ABCC8: variants seen among roughly 807,000 people sequenced by gnomAD.
ABCC8 encodes ATP-binding cassette sub-family C member 8.
ABCC8 carries 137 observed loss-of-function variants against 188.0 expected under a neutral mutation model. That is an observed-to-expected ratio of 0.73 (90% CI 0.63 to 0.84). The LOEUF is 0.84. Among genes scored for constraint, ABCC8 ranks in the 40% least tolerant of loss-of-function variants. The probability of loss-of-function intolerance (pLI) is 0.00; values close to 1 mark genes in which losing one functional copy is unlikely to be tolerated. For missense variants in ABCC8, 1,750 were observed against 2,072.7 expected (o/e 0.84, Z 3.02); for synonymous variants, 797 against 846.5 (o/e 0.94, Z 1.01).
intron 1 of ABCC8, among the ~76,000 whole-genome samples, chr11:17,476,101 G>C (rs1848755022): frequency 6.6e-6 from 1 of 152,222 alleles, no homozygotes; most frequent in Non-Finnish European, 1.5e-5. Flanking sequence ...CCCAGGGCGC[G>C]GGCCTGGGAC....
In ABCC8 at chr11:17,406,777, G is replaced by A. The variant is rs778240883; in HGVS notation, c.3174C>T (p.Leu1058=). 2.5e-6 allele frequency: 4 copies of A among 1,614,202 alleles called. No individual in the cohort carries two copies. Among genetic ancestry groups the A allele is most frequent in the East Asian group, 2.2e-5 (1 of 44,872 alleles). The part of the protein sequence containing the change: ...RNCSLSQECT[L]DQTVYAMVFT... ...ACACCATGGCATAGACAGTCTGGTC[G>A]AGGGTGCACTCCTTCACAGGCAGAG... The change falls in exon 26 of 39, where the codon CTC becomes CTT. Residue 1058 remains leucine (L), a synonymous_variant. Coordinates refer to ENST00000389817, the MANE Select transcript of ABCC8 (RefSeq NM_000352.6).
intron 31 of ABCC8, 46 bp downstream of exon 31, chr11:17,397,638 G>T (rs142800205): frequency 6.3e-7 from 1 of 1,594,192 alleles, no homozygotes. Flanking sequence ...TGCTCCGGGA[G>T]TGCTGGTGTC....
chr11:17,441,176 C>T (rs1304103972), intron 10 of ABCC8, among the ~76,000 whole-genome samples: 4 of 151,790 alleles, frequency 2.6e-5, no homozygotes, highest in Non-Finnish European at 5.9e-5. Flanking sequence ...TTTTTTTTCT[C>T]CTAGGAGGAA....
intron 8 of ABCC8, among the ~76,000 whole-genome samples, chr11:17,446,717 G>C (rs1956543740): frequency 6.6e-6 from 1 of 152,154 alleles, no homozygotes; most frequent in Admixed American, 6.5e-5. Flanking sequence ...GTGGTAATGG[G>C]GGATGGCATA....
chr11:17,407,542 A>G lies in ABCC8; in HGVS notation c.2821-89T>C. 6 of 1,586,134 alleles carry G rather than the reference A, an allele frequency of 3.8e-6. No individual in the cohort carries two copies. The East Asian group carries it at 1.4e-4, about 36-fold the overall frequency. On this transcript the variant is annotated intron_variant, in intron 23 of 38. Coordinates refer to ENST00000389817, the MANE Select transcript of ABCC8 (RefSeq NM_000352.6). ...TTAAGGGGTAACTACTCTGGTGATG[A>G]CCAATGTCAGATTTCTACTTTGTCC...
At chr11:17,397,449 G>A (rs1420493897) in intron 31 of ABCC8, 136 bp from the exon 32 acceptor site, 3 of 1,524,650 alleles carry the variant, frequency 2.0e-6, no homozygotes, top group African/African-American at 1.4e-5. Context: ...CCTGCTCAGA[G>A]CAGCCCTCCC....
intron 21 of ABCC8, among the ~76,000 whole-genome samples, chr11:17,411,416 G>A (rs980662557): frequency 3.3e-5 from 5 of 152,224 alleles, no homozygotes; most frequent in African/African-American, 1.2e-4. Context: ...GAGAGATCGC[G>A]AATGCACCCA....
intron 28 of ABCC8, among the ~76,000 whole-genome samples, chr11:17,403,464 T>G (rs1397024329): frequency 2.0e-5 from 3 of 152,190 alleles, no homozygotes; most frequent in African/African-American, 7.2e-5. Context: ...TTGAATTTTT[T>G]GAGTGTCAAA....
intron 2 of ABCC8, among the ~76,000 whole-genome samples, chr11:17,470,950 A>G (rs1848446721): frequency 6.6e-6 from 1 of 152,152 alleles, no homozygotes; most frequent in Non-Finnish European, 1.5e-5. Context: ...GGTCGTGATC[A>G]TGCCCTTCCA....
intron 23 of ABCC8, 67 bp from the exon 24 acceptor site, chr11:17,407,520 A>C (rs1172480217): frequency 3.7e-6 from 6 of 1,608,268 alleles, no homozygotes; most frequent in Non-Finnish European, 5.1e-6. Context: ...GGGGAAGTTA[A>C]GGGGTAACTA....
intron 7 of ABCC8, among the ~76,000 whole-genome samples, chr11:17,450,793 A>T (rs1332206675): frequency 7.0e-6 from 1 of 143,612 alleles, no homozygotes; most frequent in African/African-American, 2.6e-5. Context: ...GGTTCAAGCG[A>T]TTCTCCTGCC....
In ABCC8 at chr11:17,393,143, A is replaced by C; in HGVS notation, c.4609-15T>G. The C allele has an allele frequency of 3.8e-6, 5 of 1,305,764 alleles. No individual in the cohort carries two copies. Among genetic ancestry groups the C allele is most frequent in the Non-Finnish European group, 5.3e-6 (5 of 935,392 alleles). 80.9% of individuals were successfully genotyped at this position (1,305,764 alleles called of 1,614,324 possible). ...TGCACTCGATGCTGGGCAGGGCAGG[A>C]GGGGGCGGGTCAGGATGGTGGGAAT... is the stretch of plus-strand genomic sequence containing the variant. On this transcript the variant is annotated splice_polypyrimidine_tract_variant and intron_variant, in intron 38 of 38. Coordinates refer to ENST00000389817, the MANE Select transcript of ABCC8 (RefSeq NM_000352.6).
chr11:17,392,938 G>C lies in ABCC8; in HGVS notation c.*53C>G. ...AAGTGATTTACAGTTAGAAAACCCAGGCAGGGGTATGGGCAGGGTCCGAAT... is the reference window on the plus strand; with the variant it reads ...AAGTGATTTACAGTTAGAAAACCCACGCAGGGGTATGGGCAGGGTCCGAAT... On this transcript the variant is annotated 3_prime_UTR_variant, in exon 39 of 39. Coordinates refer to ENST00000389817, the MANE Select transcript of ABCC8 (RefSeq NM_000352.6). 1 of 1,579,116 alleles carries C rather than the reference G, an allele frequency of 6.3e-7. No homozygotes were observed. Among genetic ancestry groups the C allele is most frequent in the Non-Finnish European group, 8.7e-7 (1 of 1,149,380 alleles).
intron 4 of ABCC8, among the ~76,000 whole-genome samples, chr11:17,463,094 T>C (rs1564979681): frequency 6.6e-6 from 1 of 152,034 alleles, no homozygotes; most frequent in Non-Finnish European, 1.5e-5. Flanking sequence ...CGTGACGATA[T>C]GAATACATTA....
At chr11:17,451,569 C>T (rs949661847) in intron 7 of ABCC8, among the ~76,000 whole-genome samples, 3 of 152,234 alleles carry the variant, frequency 2.0e-5, no homozygotes, top group East Asian at 1.9e-4. Context: ...CTTGTCCTCT[C>T]GGTCCCTTTT....
chr11:17,404,719 G>GTT lies in ABCC8; in HGVS notation c.3400-52_3400-51dup. ...TGAGGTGAATTTTGGTATTGACTGT[G>GTT]TTTAGAGTGCTACTGGCCGCCATGT... On this transcript the variant is annotated intron_variant, in intron 27 of 38. Coordinates refer to ENST00000389817, the MANE Select transcript of ABCC8 (RefSeq NM_000352.6). The surrounding 1 kb of genome is among the most constrained non-coding windows in gnomAD (Gnocchi z 4.7). The GTT allele has an allele frequency of 1.3e-6, 2 of 1,561,706 alleles. No individual in the cohort carries two copies. Among genetic ancestry groups the GTT allele is most frequent in the Non-Finnish European group, 1.7e-6 (2 of 1,153,710 alleles).
At chr11:17,433,687 T>C (rs1955951266) in intron 10 of ABCC8, among the ~76,000 whole-genome samples, 1 of 152,168 alleles carries the variant, frequency 6.6e-6, no homozygotes, top group African/African-American at 2.4e-5. Flanking sequence ...AAGGACATTG[T>C]CCCCATCCTC....
chr11:17,450,266 CTTTCTTTCT>C (rs1956722159), intron 7 of ABCC8, among the ~76,000 whole-genome samples: 3 of 97,684 alleles, frequency 3.1e-5, no homozygotes, highest in Non-Finnish European at 4.2e-5. Flanking sequence ...CTTTCTCTTT[CTTTCTTTCT>C]TTCTTTCTTT....
At chr11:17,450,618 C>T (rs1362380717) in intron 7 of ABCC8, among the ~76,000 whole-genome samples, 1 of 147,738 alleles carries the variant, frequency 6.8e-6, no homozygotes, top group Non-Finnish European at 1.5e-5. Flanking sequence ...AGGATGGTCT[C>T]GATCTCCTGA....
Sources: allele counts gnomAD v4.1 joint callset (sites outside exome capture counted in the v4.1 genomes callset), GRCh38; gene constraint gnomAD v4.1.1; non-coding constraint Gnocchi (gnomAD v3.1); transcripts MANE v1.5; gene names NCBI Gene and HGNC (gene_info 2026-07-23, HGNC 2026-07-21).